Variants in CRHR1 observed in about 807,000 individuals in gnomAD.
CRHR1 encodes the protein corticotropin-releasing hormone receptor 1.
CRHR1 carries 28 observed loss-of-function variants against 56.0 expected under a neutral mutation model. The observed-to-expected ratio is 0.50, with a 90% CI of 0.37 to 0.69. The LOEUF (loss-of-function observed/expected upper bound fraction) is 0.69. Ranked by LOEUF, CRHR1 falls within the 30% of genes least tolerant of loss-of-function variation. The pLI, the probability that CRHR1 is intolerant of heterozygous loss-of-function variation, is 0.00. For missense variants in CRHR1, 376 were observed against 548.0 expected, an observed-to-expected ratio of 0.69 and a Z score of 3.13; for synonymous variants, 195 against 216.5, an observed-to-expected ratio of 0.90 and a Z score of 0.87.
chr17:45,824,357 G>A (rs974126995), intron 4 of CRHR1, among the ~76,000 whole-genome samples: 6 of 152,210 alleles, frequency 3.9e-5, no homozygotes, highest in African/African-American at 7.2e-5. Flanking sequence ...GCTGCAGGCC[G>A]CACTGTCTGT....
At chr17:45,829,577 T>C in intron 5 of CRHR1, 5 of 1,550,608 alleles carry the variant, frequency 3.2e-6, no homozygotes, top group Non-Finnish European at 4.4e-6. Context: ...CTGCACCCAT[T>C]GGGGTGACCA....
chr17:45,789,914 G>A (rs116171919), intron 1 of CRHR1, among the ~76,000 whole-genome samples: 2,164 of 152,322 alleles, frequency 0.014, 51 homozygotes, highest in African/African-American at 0.044. Flanking sequence ...GATGCCAGGT[G>A]TGAAATTATG....
chr17:45,801,658 C>T (rs997613363), intron 1 of CRHR1, among the ~76,000 whole-genome samples: 3 of 152,138 alleles, frequency 2.0e-5, no homozygotes, highest in African/African-American at 7.2e-5. Flanking sequence ...GCTTCAGTGC[C>T]GTTTTGATTT....
Position 45,830,412 on chromosome 17 carries a change from G to A in CRHR1, c.556-5G>A. On this transcript the variant is annotated splice_region_variant and splice_polypyrimidine_tract_variant and intron_variant, in intron 6 of 12. Coordinates refer to ENST00000314537, the MANE Select transcript of CRHR1 (RefSeq NM_004382.5). ...CATCATCTCTGGTTGGGGGTGGGGT[G>A]GCAGGGCTGGTGCAGGTTGGTGACA... is the stretch of plus-strand genomic sequence containing the variant. 6.2e-7 allele frequency: 1 copy of A among 1,601,506 alleles called. No homozygotes were observed. The highest frequency in any genetic ancestry group is 8.5e-7 in the Non-Finnish European group (1 of 1,172,856).
chr17:45,828,401 C>A (rs963460510), intron 4 of CRHR1, among the ~76,000 whole-genome samples: 3 of 152,244 alleles, frequency 2.0e-5, no homozygotes, highest in Non-Finnish European at 2.9e-5. Context: ...CCGGCTCCCC[C>A]CACGGGGTTG....
At chr17:45,808,624 A>AGGTTT (rs531218086) in intron 2 of CRHR1, among the ~76,000 whole-genome samples, 2,932 of 152,120 alleles carry the variant, frequency 0.019, 43 homozygotes, top group East Asian at 0.076. Flanking sequence ...TGCCAGTACT[A>AGGTTT]GGTTTGGTTT....
At chr17:45,830,609 G>A (rs750041935) in intron 7 of CRHR1, 39 bp downstream of exon 7, 70 of 1,568,334 alleles carry the variant, frequency 4.5e-5, no homozygotes, top group East Asian at 3.8e-4. Flanking sequence ...GGGCAGTGGC[G>A]GCCGCCGGGC....
chr17:45,813,627 C>G (rs2061869163), intron 2 of CRHR1, among the ~76,000 whole-genome samples: 1 of 152,212 alleles, frequency 6.6e-6, no homozygotes, highest in Non-Finnish European at 1.5e-5. Flanking sequence ...GGGCAGCTGC[C>G]CAGATCAGGG....
chr17:45,817,745 G>A (rs1039351533), intron 3 of CRHR1, among the ~76,000 whole-genome samples: 2 of 152,188 alleles, frequency 1.3e-5, no homozygotes, highest in South Asian at 4.1e-4. Flanking sequence ...TAGCAGCCTC[G>A]TGTGTCTGTA....
chr17:45,804,680 G>A (rs1470837095), intron 1 of CRHR1, among the ~76,000 whole-genome samples: 1 of 152,086 alleles, frequency 6.6e-6, no homozygotes, highest in Non-Finnish European at 1.5e-5. Context: ...GGGAAGAGAG[G>A]ATGGACACCC....
In CRHR1 at chr17:45,830,559, G is replaced by T; in HGVS notation, c.698G>T (p.Cys233Phe). ...TDRLRKWMFI[C>F]IGWGVPFPII... ...CGGCTGCGCAAATGGATGTTCATCTGCATTGGCTGGGGTGAGCTGGGCAGC... is the reference window on the plus strand; with the variant it reads ...CGGCTGCGCAAATGGATGTTCATCTTCATTGGCTGGGGTGAGCTGGGCAGC... Residue 233 changes from cysteine to phenylalanine, a missense_variant, in exon 7 of 13, where the codon TGC (cysteine) becomes TTC (phenylalanine). Physicochemically the swap from Cys to Phe is radical, Grantham distance 205. This residue lies in a region of CRHR1 where 369 missense variants were observed against 519.5 expected (regional missense o/e 0.71). Coordinates refer to ENST00000314537, the MANE Select transcript of CRHR1 (RefSeq NM_004382.5). 6.2e-7 allele frequency: 1 copy of T among 1,609,368 alleles called. No homozygotes were observed. Among genetic ancestry groups the T allele is most frequent in the Non-Finnish European group, 8.5e-7 (1 of 1,177,560 alleles).
At chr17:45,787,373 C>G (rs1412260537) in intron 1 of CRHR1, among the ~76,000 whole-genome samples, 3 of 152,102 alleles carry the variant, frequency 2.0e-5, no homozygotes, top group Admixed American at 6.5e-5. Flanking sequence ...AACATGGGTC[C>G]CAGTGTCTGT....
Position 45,834,685 on chromosome 17 carries a change from G to C in CRHR1, c.1169G>C (p.Arg390Pro), listed in dbSNP as rs970324833. 2.5e-6 allele frequency: 4 copies of C among 1,613,550 alleles called. No homozygotes were observed. In the African/African-American group the frequency reaches 4.0e-5, roughly 16 times the overall value. ...CAGGACAAGCACTCGATCCGTGCCC[G>C]AGTGGCCCGTGCCATGTCCATCCCC... ...RWQDKHSIRA[R>P]VARAMSIPTS... is the part of the protein sequence containing the mutation. Residue 390 changes from arginine to proline, a missense_variant, in exon 13 of 13, where the codon CGA becomes CCA. By Grantham distance (103) the Arg-to-Pro change is moderately radical. Transcript: ENST00000314537.
At chr17:45,785,067 C>T (rs1249567805) in intron 1 of CRHR1, among the ~76,000 whole-genome samples, 1 of 152,160 alleles carries the variant, frequency 6.6e-6, no homozygotes, top group Admixed American at 6.5e-5. Flanking sequence ...GCTGCGAGTC[C>T]GGAGAGATGA....
chr17:45,833,693 T>TGGGGGGGGGCG, intron 10 of CRHR1, 21 bp from the exon 11 acceptor site: 10 of 1,571,608 alleles, frequency 6.4e-6, no homozygotes, highest in Non-Finnish European at 7.8e-6. Flanking sequence ...ACTCCGAGCC[T>TGGGGGGGGGCG]CCCCACCCGC....
rs1804959441 is a variant in CRHR1 at position 45,830,775 on chromosome 17, C to A, written c.710-105C>A. ...GAGGTGTGTGAGTTTGAGATCCACCCTGAGTAACCCCAGACCCCCTGGAGC... is the reference window on the plus strand; with the variant it reads ...GAGGTGTGTGAGTTTGAGATCCACCATGAGTAACCCCAGACCCCCTGGAGC... On this transcript the variant is annotated intron_variant, in intron 7 of 12. Transcript: ENST00000314537. 5 of 1,286,138 alleles carry A rather than the reference C, an allele frequency of 3.9e-6. No individual in the cohort carries two copies. In the African/African-American group the frequency reaches 4.4e-5, roughly 11 times the overall value. 79.7% of individuals were successfully genotyped at this position (1,286,138 alleles called of 1,614,324 possible). A position where few individuals can be genotyped will look rare whatever the true frequency, so the allele number is the denominator to read the frequency against.
intron 1 of CRHR1, among the ~76,000 whole-genome samples, chr17:45,801,236 G>A (rs1295743910): frequency 2.0e-5 from 3 of 152,140 alleles, no homozygotes; most frequent in Non-Finnish European, 2.9e-5. Context: ...TTCTTCCAAG[G>A]CGCTGTCTTG....
chr17:45,827,345 A>T (rs2143197158), intron 4 of CRHR1, among the ~76,000 whole-genome samples: 1 of 152,310 alleles, frequency 6.6e-6, no homozygotes, highest in Non-Finnish European at 1.5e-5. Context: ...GCCTGTGAAC[A>T]AGGCCGGGGT....
chr17:45,813,030 T>C (rs58312053), intron 2 of CRHR1, among the ~76,000 whole-genome samples: 1,634 of 152,236 alleles, frequency 0.011, 27 homozygotes, highest in African/African-American at 0.037. Flanking sequence ...GGACTCGGTG[T>C]CCGCAGGACG....
Sources: gnomAD v4.1 joint callset for allele counts (sites outside exome capture counted in the v4.1 genomes callset) on GRCh38, gnomAD v4.1.1 for gene constraint, gnomAD v4.1.1 regional missense constraint, MANE v1.5 for transcripts, NCBI Gene and HGNC (gene_info 2026-07-23, HGNC 2026-07-21) for gene names.